Variants in PFKP observed in about 807,000 individuals in gnomAD.
PFKP encodes ATP-dependent 6-phosphofructokinase, platelet type.
Under a neutral mutation model 94.3 loss-of-function variants are expected in PFKP, and 101 were observed. That is an observed-to-expected ratio of 1.07 (90% confidence interval 0.91 to 1.26). PFKP has a LOEUF of 1.26. Ranked by LOEUF, PFKP falls within the 50% of genes most tolerant of loss-of-function variation. PFKP has a pLI of 0.00. For synonymous variants in PFKP, 573 were observed against 432.6 expected, an observed-to-expected ratio of 1.32 and a Z score of -4.03; for missense variants, 1,145 against 1,103.3, an observed-to-expected ratio of 1.04 and a Z score of -0.53.
rs994238392 is a variant in PFKP, at chr10:3,072,488, AGTG to A, written c.112+4782_112+4784del. ...ATTTGATGGGATCTTTTCAGTGTAA[AGTG>A]CAGTAATTAATTTTGCAAAAATTAC... On this transcript the variant is annotated intron_variant, in intron 1 of 21. Coordinates refer to ENST00000381125, the MANE Select transcript of PFKP (RefSeq NM_002627.5). Among the ~76,000 whole-genome samples, 8 of 149,438 alleles carry A rather than the reference AGTG, an allele frequency of 5.4e-5. 1 individual carries two copies. The highest frequency in any genetic ancestry group is 4.0e-4 in the Admixed American group (6 of 15,120).
chr10:3,119,604 CAAA>C (rs869287866), intron 15 of PFKP, among the ~76,000 whole-genome samples: 1 of 47,904 alleles, frequency 2.1e-5, no homozygotes, highest in Non-Finnish European at 5.3e-5. Flanking sequence ...GACTCCGTCT[CAAA>C]AAACAAAAAC....
chr10:3,083,776 G>C (rs1833269801), intron 2 of PFKP, among the ~76,000 whole-genome samples: 1 of 152,126 alleles, frequency 6.6e-6, no homozygotes, highest in Admixed American at 6.5e-5. Flanking sequence ...CCACATAGCT[G>C]GGATTAAGGT....
chr10:3,108,312 G>T (rs541614761), intron 8 of PFKP, among the ~76,000 whole-genome samples: 1 of 152,322 alleles, frequency 6.6e-6, no homozygotes, highest in Admixed American at 6.5e-5. Context: ...GGCTTGTGCT[G>T]TTCAAATCAC....
chr10:3,079,819 C>T (rs1389791369), intron 1 of PFKP, among the ~76,000 whole-genome samples: 1 of 152,106 alleles, frequency 6.6e-6, no homozygotes, highest in Non-Finnish European at 1.5e-5. Context: ...CAGAGCTGTG[C>T]GTCCACCCTT....
At chr10:3,076,010 T>C (rs1449055354) in intron 1 of PFKP, among the ~76,000 whole-genome samples, 14 of 89,666 alleles carry the variant, frequency 1.6e-4, no homozygotes, top group Non-Finnish European at 2.7e-4. Context: ...AGAGCGAGAC[T>C]CCGTCTCAAA....
intron 1 of PFKP, chr10:3,068,584 G>C: frequency 1.3e-6 from 1 of 775,548 alleles, no homozygotes; most frequent in Non-Finnish European, 1.6e-6. Flanking sequence ...TCTCTAGGAG[G>C]GGCCCGAGGC....
chr10:3,130,670 C>T (rs1838472019), intron 17 of PFKP, among the ~76,000 whole-genome samples: 1 of 151,968 alleles, frequency 6.6e-6, no homozygotes, highest in African/African-American at 2.4e-5. Context: ...AGCGATTCAC[C>T]TGCCTTAGCC....
intron 11 of PFKP, 81 bp downstream of exon 11, chr10:3,112,367 T>G: frequency 9.7e-7 from 1 of 1,029,124 alleles, no homozygotes; most frequent in Non-Finnish European, 1.5e-6. Flanking sequence ...GCTTAGGGGT[T>G]GTGCTTATTC....
In PFKP at chr10:3,069,501, C is replaced by T. The variant is rs997288757; in HGVS notation, c.112+1794C>T. On this transcript the variant is annotated intron_variant, in intron 1 of 21. Coordinates refer to ENST00000381125, the MANE Select transcript of PFKP (RefSeq NM_002627.5). ...GTGACCTTACCTGGGCCGCGAAAGA[C>T]AAGAAACCTTTGGCACAGGAAGAGG... The T allele has an allele frequency of 1.1e-5, 10 of 940,696 alleles. No individual in the cohort carries two copies. In the Admixed American group the frequency reaches 1.5e-4, roughly 14 times the overall value. 58.3% of individuals were successfully genotyped at this position (940,696 alleles called of 1,614,324 possible).
intron 2 of PFKP, among the ~76,000 whole-genome samples, chr10:3,086,414 C>T (rs1026450650): frequency 1.3e-5 from 2 of 152,344 alleles, no homozygotes; most frequent in East Asian, 1.9e-4. Context: ...GAACAGAGTT[C>T]GGTCCCCGAC....
At chr10:3,123,862 C>A (rs1366770431) in intron 16 of PFKP, among the ~76,000 whole-genome samples, 1 of 152,258 alleles carries the variant, frequency 6.6e-6, no homozygotes, top group Non-Finnish European at 1.5e-5. Context: ...CACAGAGCGG[C>A]CCAAGAGCTG....
chr10:3,100,810 A>C, intron 3 of PFKP: 1 of 615,152 alleles, frequency 1.6e-6, no homozygotes, highest in South Asian at 2.1e-5. Context: ...GGATGAAAGA[A>C]TTTAAGATCC....
chr10:3,073,480 C>T (rs1437645010), intron 1 of PFKP, among the ~76,000 whole-genome samples: 1 of 151,638 alleles, frequency 6.6e-6, no homozygotes, highest in African/African-American at 2.4e-5. Flanking sequence ...AGTGAGGCTC[C>T]GACTCTCACG....
At chr10:3,087,962 T>C (rs1161375456) in intron 2 of PFKP, among the ~76,000 whole-genome samples, 1 of 145,926 alleles carries the variant, frequency 6.9e-6, no homozygotes, top group Middle Eastern at 3.6e-3. Flanking sequence ...GTTACAGATA[T>C]AAAAATCCTG....
rs764839348 is a variant in PFKP at position 3,136,528 on chromosome 10, T to C, written c.2304T>C (p.Tyr768=). Reference sequence around the variant, plus strand: ...TCCTGGCCAAGTACAAGGCCAGCTATGACGTGTCGGACTCAGGCCAGCTGG... The same window carrying C: ...TCCTGGCCAAGTACAAGGCCAGCTACGACGTGTCGGACTCAGGCCAGCTGG... ...MKILAKYKAS[Y]DVSDSGQLEH... is the part of the protein sequence containing the mutation. The change falls in exon 22 of 22, where the codon TAT becomes TAC. Residue 768 remains tyrosine, a synonymous_variant. Transcript: ENST00000381125. 27 of 1,613,572 alleles carry C rather than the reference T, an allele frequency of 1.7e-5. No individual in the cohort carries two copies. Among genetic ancestry groups the C allele is most frequent in the Admixed American group, 3.3e-5 (2 of 59,968 alleles).
intron 16 of PFKP, among the ~76,000 whole-genome samples, chr10:3,128,493 G>A: frequency 9.7e-6 from 1 of 102,954 alleles, no homozygotes; most frequent in East Asian, 2.7e-4. Flanking sequence ...ACCTGGGGCT[G>A]GAAAATAATA....
At chr10:3,122,749 A>G (rs1282314198) in intron 16 of PFKP, among the ~76,000 whole-genome samples, 1 of 152,166 alleles carries the variant, frequency 6.6e-6, no homozygotes, top group Non-Finnish European at 1.5e-5. Flanking sequence ...GCTCCAGTAT[A>G]CTGGCTTCTA....
intron 3 of PFKP, among the ~76,000 whole-genome samples, chr10:3,099,979 G>A (rs1195481653): frequency 6.6e-6 from 1 of 151,718 alleles, no homozygotes; most frequent in Non-Finnish European, 1.5e-5. Context: ...TGTTAACTGT[G>A]TGAATTTCTG....
chr10:3,133,143 A>C lies in PFKP; in HGVS notation c.1911-60A>C, dbSNP rs1283007238. On this transcript the variant is annotated intron_variant, in intron 18 of 21. Transcript: ENST00000381125. Reference sequence around the variant, plus strand: ...CCAGCCTCCCAGGGCCATCTCCCCAAGCAGGGAGCCACGTGCCCACTGCAC... The same window carrying C: ...CCAGCCTCCCAGGGCCATCTCCCCACGCAGGGAGCCACGTGCCCACTGCAC... 3 of 1,244,368 alleles carry C rather than the reference A, an allele frequency of 2.4e-6. No individual in the cohort carries two copies. The East Asian group carries it at 7.0e-5, about 29-fold the overall frequency. The allele number at this position is 1,244,368 out of a possible 1,614,324, so 77.1% of individuals were successfully genotyped here. A position where few individuals can be genotyped will look rare whatever the true frequency, so the allele number is the denominator to read the frequency against.
Sources: allele counts gnomAD v4.1 joint callset (sites outside exome capture counted in the v4.1 genomes callset), GRCh38; gene constraint gnomAD v4.1.1; transcripts MANE v1.5; gene names NCBI Gene and HGNC (gene_info 2026-07-23, HGNC 2026-07-21).